Variants in CASQ2 observed in about 807,000 individuals in gnomAD.
The protein encoded by CASQ2 is calsequestrin-2.
CASQ2 carries 49 observed loss-of-function variants against 46.5 expected under a neutral mutation model. The observed-to-expected ratio is 1.05, with a 90% CI of 0.84 to 1.34. The LOEUF is 1.34. CASQ2 is among the 40% of genes most tolerant of loss of function. The pLI is 0.00. For synonymous variants in CASQ2, 174 were observed against 168.5 expected (o/e 1.03, Z -0.25); for missense variants, 486 against 481.3 (o/e 1.01, Z -0.09).
chr1:115,743,689 C>CTT (rs200989847), intron 2 of CASQ2, among the ~76,000 whole-genome samples: 38 of 143,792 alleles, frequency 2.6e-4, no homozygotes, highest in African/African-American at 9.0e-4. Context: ...CACCACTAAT[C>CTT]TTTTTTTTTT....
At chr1:115,747,420 C>T (rs1382522377) in intron 1 of CASQ2, among the ~76,000 whole-genome samples, 2 of 152,154 alleles carry the variant, frequency 1.3e-5, no homozygotes, top group Admixed American at 6.5e-5. Flanking sequence ...TCTCTTTTCA[C>T]TTTATTCTTT....
intron 7 of CASQ2, among the ~76,000 whole-genome samples, chr1:115,724,407 A>G (rs1647497717): frequency 6.6e-6 from 1 of 152,172 alleles, no homozygotes; most frequent in Non-Finnish European, 1.5e-5. Context: ...TGCTCAAACA[A>G]TCCTCCCACC....
chr1:115,736,365 A>C (rs1647959865), intron 4 of CASQ2, among the ~76,000 whole-genome samples: 2 of 151,960 alleles, frequency 1.3e-5, no homozygotes, highest in African/African-American at 4.8e-5. Context: ...GGTTGGGCAC[A>C]GTGGCTCATG....
At chr1:115,744,558 T>G (rs879847120) in intron 2 of CASQ2, among the ~76,000 whole-genome samples, 1 of 152,214 alleles carries the variant, frequency 6.6e-6, no homozygotes, top group Non-Finnish European at 1.5e-5. Context: ...AAATAAAAGC[T>G]TGACTCTTTA....
chr1:115,710,132 C>G (rs866988084), intron 8 of CASQ2, among the ~76,000 whole-genome samples: 2 of 152,226 alleles, frequency 1.3e-5, no homozygotes, highest in African/African-American at 4.8e-5. Context: ...GCGAAAGCCA[C>G]CATGCCCAGC....
chr1:115,701,049 TG>T lies in CASQ2; in HGVS notation c.*191del. The T allele has an allele frequency of 1.3e-6, 1 of 782,792 alleles. No individual in the cohort carries two copies. Among genetic ancestry groups the T allele is most frequent in the East Asian group, 2.4e-5 (1 of 41,076 alleles). The allele number at this position is 782,792 out of a possible 1,614,324, so 48.5% of individuals were successfully genotyped here. ...TAATTTTTCTCCTGTCCCTGCTAAG[TG>T]GGATTGCTGCATTTGAAAAGGCATT... is the stretch of plus-strand genomic sequence containing the variant. On this transcript the variant is annotated 3_prime_UTR_variant, in exon 11 of 11. Coordinates refer to ENST00000261448, the MANE Select transcript of CASQ2 (RefSeq NM_001232.4).
intron 1 of CASQ2, among the ~76,000 whole-genome samples, chr1:115,761,174 T>C (rs1181839065): frequency 6.6e-6 from 1 of 150,898 alleles, no homozygotes; most frequent in Non-Finnish European, 1.5e-5. Context: ...TCATCTGAGG[T>C]TGGACATAGA....
intron 2 of CASQ2, among the ~76,000 whole-genome samples, chr1:115,743,057 G>A (rs1648248071): frequency 6.6e-6 from 1 of 151,700 alleles, no homozygotes; most frequent in South Asian, 2.1e-4. Flanking sequence ...CAAAGTGCTG[G>A]GATTACACTG....
intron 5 of CASQ2, among the ~76,000 whole-genome samples, chr1:115,729,136 G>A (rs1229761743): frequency 2.3e-5 from 3 of 132,578 alleles, no homozygotes; most frequent in South Asian, 2.6e-4. Context: ...TGCAATCTCC[G>A]CTTCCCAGGT....
At chr1:115,716,485 A>G (rs2101067410) in intron 8 of CASQ2, among the ~76,000 whole-genome samples, 1 of 152,344 alleles carries the variant, frequency 6.6e-6, no homozygotes, top group Admixed American at 6.5e-5. Flanking sequence ...TGTGGTTGAT[A>G]TAGGCTAGAT....
chr1:115,725,831 G>A (rs978810907), intron 6 of CASQ2, among the ~76,000 whole-genome samples: 1 of 152,104 alleles, frequency 6.6e-6, no homozygotes, highest in Non-Finnish European at 1.5e-5. Flanking sequence ...GAGGGCACAG[G>A]GTCAGCTCAT....
chr1:115,713,650 G>A (rs140732739), intron 8 of CASQ2, among the ~76,000 whole-genome samples: 2 of 152,336 alleles, frequency 1.3e-5, no homozygotes, highest in African/African-American at 4.8e-5. Flanking sequence ...GACAGTGGGA[G>A]GAAGCCTGAC....
chr1:115,721,628 G>A (rs756984139), intron 7 of CASQ2, among the ~76,000 whole-genome samples: 1 of 152,130 alleles, frequency 6.6e-6, no homozygotes, highest in African/African-American at 2.4e-5. Context: ...TTGGAGTGCA[G>A]TGGCACATCT....
intron 2 of CASQ2, among the ~76,000 whole-genome samples, chr1:115,743,755 T>C (rs1289331928): frequency 1.0e-5 from 1 of 99,484 alleles, no homozygotes; most frequent in Non-Finnish European, 2.5e-5. Context: ...GATCCTGTTT[T>C]ATAACCCGCT....
intron 8 of CASQ2, among the ~76,000 whole-genome samples, chr1:115,717,555 T>C (rs1444173552): frequency 6.6e-6 from 1 of 152,204 alleles, no homozygotes; most frequent in Non-Finnish European, 1.5e-5. Context: ...TATTAAACTC[T>C]TTCTCTGCTG....
intron 1 of CASQ2, among the ~76,000 whole-genome samples, chr1:115,765,233 A>G (rs1649091480): frequency 6.6e-6 from 1 of 152,216 alleles, no homozygotes; most frequent in African/African-American, 2.4e-5. Flanking sequence ...CCGTATCCAC[A>G]GCATCTATCC....
intron 1 of CASQ2, among the ~76,000 whole-genome samples, chr1:115,760,391 T>G (rs1648895456): frequency 6.6e-6 from 1 of 152,238 alleles, no homozygotes; most frequent in African/African-American, 2.4e-5. Flanking sequence ...TGATGCCATT[T>G]GCTACTGGTC....
intron 1 of CASQ2, among the ~76,000 whole-genome samples, chr1:115,766,516 A>G (rs935083883): frequency 6.6e-6 from 1 of 152,194 alleles, no homozygotes; most frequent in African/African-American, 2.4e-5. Flanking sequence ...GATAGTTACT[A>G]TTTTTCCATA....
At chr1:115,751,299 T>G (rs1648570496) in intron 1 of CASQ2, among the ~76,000 whole-genome samples, 1 of 152,130 alleles carries the variant, frequency 6.6e-6, no homozygotes, top group African/African-American at 2.4e-5. Flanking sequence ...GAACCTACTG[T>G]GTTAACAAAA....
Sources: gnomAD v4.1 joint callset for allele counts (sites outside exome capture counted in the v4.1 genomes callset) on GRCh38, gnomAD v4.1.1 for gene constraint, MANE v1.5 for transcripts, NCBI Gene and HGNC (gene_info 2026-07-23, HGNC 2026-07-21) for gene names.